Variants in POGZ observed in about 807,000 individuals in gnomAD.
POGZ encodes pogo transposable element with ZNF domain.
POGZ carries 17 observed loss-of-function variants against 134.6 expected under a neutral mutation model. The observed-to-expected ratio is 0.13, with a 90% CI of 0.09 to 0.19. POGZ has a LOEUF of 0.19. POGZ is among the 10% of genes least tolerant of loss of function. The pLI is 1.00. For synonymous variants in POGZ, 693 were observed against 657.1 expected, an observed-to-expected ratio of 1.05 and a Z score of -0.84; for missense variants, 1,306 against 1,769.7, an observed-to-expected ratio of 0.74 and a Z score of 4.70.
chr1:151,447,340 C>A (rs1051209468), intron 1 of POGZ, among the ~76,000 whole-genome samples: 7 of 151,828 alleles, frequency 4.6e-5, no homozygotes, highest in African/African-American at 1.7e-4. Context: ...CCACTGCACT[C>A]CAGCTTGGAC....
At position 151,404,269 on chromosome 1, in the gene POGZ, T is replaced by A. The variant is rs866848487; in HGVS notation, c.*533A>T. 1.0e-6 allele frequency: 1 copy of A among 983,274 alleles called. No homozygotes were observed. The highest frequency in any genetic ancestry group is 6.2e-5 in the Admixed American group (1 of 16,254). The allele number at this position is 983,274 out of a possible 1,614,324, so 60.9% of individuals were successfully genotyped here. A position where few individuals can be genotyped will look rare whatever the true frequency, so the allele number is the denominator to read the frequency against. ...AGTGTTAAGACCACAATGAAAAAAG[T>A]TTTTTATCCATATATATAATAAACC... is the stretch of plus-strand genomic sequence containing the variant. On this transcript the variant is annotated 3_prime_UTR_variant, in exon 19 of 19. Coordinates refer to ENST00000271715, the MANE Select transcript of POGZ (RefSeq NM_015100.4).
At chr1:151,456,064 C>T (rs1204502212) in intron 1 of POGZ, among the ~76,000 whole-genome samples, 1 of 151,984 alleles carries the variant, frequency 6.6e-6, no homozygotes. Context: ...TCTTAAAGGA[C>T]AGTTAACATT....
At chr1:151,443,213 T>C (rs1660802231) in intron 1 of POGZ, among the ~76,000 whole-genome samples, 1 of 152,222 alleles carries the variant, frequency 6.6e-6, no homozygotes, top group African/African-American at 2.4e-5. Flanking sequence ...AATGCATTTA[T>C]TATGATTACT....
At chr1:151,455,083 G>C (rs1052067137) in intron 1 of POGZ, 1 of 151,450 alleles carries the variant, frequency 6.6e-6, no homozygotes, top group African/African-American at 2.4e-5. Flanking sequence ...CTCCAGCCTG[G>C]GCAATAGAGC....
chr1:151,413,593 T>C (rs1000959889), intron 10 of POGZ, among the ~76,000 whole-genome samples: 1 of 150,780 alleles, frequency 6.6e-6, no homozygotes, highest in Admixed American at 6.6e-5. Flanking sequence ...ATGTCTAACC[T>C]CCCCCCGCCC....
chr1:151,419,481 C>A (rs1023672869), intron 10 of POGZ, among the ~76,000 whole-genome samples: 3 of 151,632 alleles, frequency 2.0e-5, no homozygotes. Context: ...AACCCTATCT[C>A]TACAAAAAAC....
chr1:151,407,992 A>T (rs1272809585), intron 15 of POGZ, 108 bp downstream of exon 15: 11 of 840,628 alleles, frequency 1.3e-5, no homozygotes, highest in Non-Finnish European at 2.0e-5. Flanking sequence ...AGCCTAGGGG[A>T]CAGAGTGAGA....
chr1:151,423,620 T>C (rs1343916039), intron 9 of POGZ, 69 bp from the exon 10 acceptor site: 50 of 1,266,752 alleles, frequency 3.9e-5, no homozygotes, highest in Admixed American at 1.1e-4. Flanking sequence ...AATATAATGG[T>C]AAAATCACAG....
intron 10 of POGZ, among the ~76,000 whole-genome samples, chr1:151,422,499 A>G (rs1657079569): frequency 6.6e-6 from 1 of 152,334 alleles, no homozygotes; most frequent in East Asian, 1.9e-4. Context: ...TTCAGCCTAC[A>G]TCTATCTATA....
At chr1:151,423,606 T>C in intron 9 of POGZ, 55 bp from the exon 10 acceptor site, 1 of 1,400,750 alleles carries the variant, frequency 7.1e-7, no homozygotes, top group Non-Finnish European at 1.0e-6. Context: ...GGTAGCCTTT[T>C]AGAAATATAA....
Position 151,406,260 on chromosome 1 carries a change from C to T in POGZ, c.2775G>A (p.Gln925=). 1 of 1,613,538 alleles carries T rather than the reference C, an allele frequency of 6.2e-7. No individual in the cohort carries two copies. Among genetic ancestry groups the T allele is most frequent in the Non-Finnish European group, 8.5e-7 (1 of 1,179,640 alleles). Residue 925 remains glutamine, a synonymous_variant, in exon 19 of 19, where the codon CAG becomes CAA. Transcript: ENST00000271715. ...TAGCCAGCGGTGGAAGGGCTAAAGC[C>T]TGCGGGTGAGTGGGGGTTGGTGGTG... ...ATPPPTPTHP[Q]ALALPPLATE...
intron 1 of POGZ, among the ~76,000 whole-genome samples, chr1:151,453,087 T>C (rs1183164758): frequency 3.3e-5 from 5 of 151,834 alleles, no homozygotes; most frequent in Non-Finnish European, 5.9e-5. Context: ...AACGCCCAGC[T>C]AATTTTTGTA....
chr1:151,451,561 G>A (rs1662086263), intron 1 of POGZ, among the ~76,000 whole-genome samples: 1 of 151,518 alleles, frequency 6.6e-6, no homozygotes, highest in African/African-American at 2.4e-5. Flanking sequence ...CCTGACCTCA[G>A]GTGATCCACC....
Position 151,433,005 on chromosome 1 carries a change from A to G in POGZ, c.284-2164T>C, listed in dbSNP as rs964517197. On this transcript the variant is annotated intron_variant, in intron 3 of 18. Coordinates refer to ENST00000271715, the MANE Select transcript of POGZ (RefSeq NM_015100.4). ...ATTTATGGTTGAAAAATATTGACTA[A>G]GCAAAAGTCTATATTTTTTAGTCAT... Among the ~76,000 whole-genome samples the G allele has an allele frequency of 2.6e-5, 4 of 152,208 alleles. 1 individual carries two copies. The East Asian group carries it at 7.7e-4, about 29-fold the overall frequency.
rs1313319892 is a variant in POGZ at position 151,406,306 on chromosome 1, G to T, written c.2729C>A (p.Ser910Ter). Residue 910 changes from serine (S) to a stop codon, truncating the protein, a stop_gained, in exon 19 of 19, where the codon TCA (serine) becomes TAA (stop). Transcript: ENST00000271715. LOFTEE classifies it high-confidence loss of function. ...TGGTGGGGTTGCAGTTGAGGCTGGT[G>T]ATGGGAGTGCTGGGGCTAAGGGAGT... is the stretch of plus-strand genomic sequence containing the variant. Reference protein sequence around the residue: ...LLTPLAPALPSPASTATPPPT... With the variant: ...LLTPLAPALP 6.2e-7 allele frequency: 1 copy of T among 1,610,980 alleles called. No individual in the cohort carries two copies. Among genetic ancestry groups the T allele is most frequent in the Non-Finnish European group, 8.5e-7 (1 of 1,178,214 alleles).
intron 9 of POGZ, 130 bp downstream of exon 9, chr1:151,423,819 G>T: frequency 1.4e-6 from 1 of 724,216 alleles, no homozygotes; most frequent in Non-Finnish European, 2.2e-6. Flanking sequence ...CCTAGTTATT[G>T]ATTTAATGAT....
At chr1:151,447,605 A>C (rs1476198764) in intron 1 of POGZ, among the ~76,000 whole-genome samples, 2 of 148,640 alleles carry the variant, frequency 1.3e-5, no homozygotes, top group Non-Finnish European at 3.0e-5. Flanking sequence ...AGAGCTAACT[A>C]ACTCTTGGGA....
intron 4 of POGZ, among the ~76,000 whole-genome samples, chr1:151,430,427 T>A (rs2102306773): frequency 6.6e-6 from 1 of 152,332 alleles, no homozygotes; most frequent in Admixed American, 6.5e-5. Context: ...TATTTCTGCC[T>A]AGACTTTAAT....
At chr1:151,437,020 AC>A (rs1260022819) in intron 3 of POGZ, among the ~76,000 whole-genome samples, 1 of 151,726 alleles carries the variant, frequency 6.6e-6, no homozygotes, top group African/African-American at 2.4e-5. Flanking sequence ...ATGGTGACAC[AC>A]TGTCTCTGCT....
Sources: allele counts gnomAD v4.1 joint callset (sites outside exome capture counted in the v4.1 genomes callset), GRCh38; gene constraint gnomAD v4.1.1; transcripts MANE v1.5; gene names NCBI Gene and HGNC (gene_info 2026-07-23, HGNC 2026-07-21).